The following SRSF10 variants were observed in gnomAD, a reference collection of about 807,000 sequenced individuals.
SRSF10 encodes serine/arginine-rich splicing factor 10.
A neutral mutation model predicts 32.6 loss-of-function variants in SRSF10; 9 were observed. The observed-to-expected ratio is 0.28, with a 90% CI of 0.17 to 0.48. The LOEUF is 0.48. Ranked by LOEUF, SRSF10 falls within the 20% of genes least tolerant of loss-of-function variation. SRSF10 has a pLI of 0.99. For synonymous variants in SRSF10, 105 were observed against 112.4 expected (o/e 0.93, Z 0.42); for missense variants, 201 against 331.8 (o/e 0.61, Z 3.06).
intron 3 of SRSF10, 139 bp downstream of exon 3, chr1:23,974,832 CAAA>C (rs113600652): frequency 4.7e-5 from 24 of 507,918 alleles, no homozygotes; most frequent in South Asian, 7.4e-5. Context: ...GACTCCGTCT[CAAA>C]AAAAAAAAAG....
Position 23,971,332 on chromosome 1 carries a change from G to A in SRSF10, c.599C>T (p.Ala200Val). 1 of 1,613,026 alleles carries A rather than the reference G, an allele frequency of 6.2e-7. No individual in the cohort carries two copies. Among genetic ancestry groups the A allele is most frequent in the Admixed American group, 1.7e-5 (1 of 60,014 alleles). The change falls in exon 6 of 6, where the codon GCA (alanine) becomes GTA (valine). Residue 200 changes from alanine to valine, a missense_variant. Transcript: ENST00000492112. ...GGTGCCTCTAGTTTTGGTGTGAGAT[G>A]CAGACCTAGAACGTGATTTAGCCTT... is the stretch of plus-strand genomic sequence containing the variant. ...EMKAKSRSRS[A>V]SHTKTRGTSK...
At chr1:23,976,312 C>T (rs1642086447) in intron 2 of SRSF10, 1 of 152,206 alleles carries the variant, frequency 6.6e-6, no homozygotes, top group South Asian at 2.1e-4. Flanking sequence ...CCTTACTAGA[C>T]TTCCCACTTT....
At chr1:23,972,068 C>A in intron 3 of SRSF10, 56 bp from the exon 4 acceptor site, 1 of 1,386,262 alleles carries the variant, frequency 7.2e-7, no homozygotes, top group South Asian at 1.8e-5. Flanking sequence ...TATTAAAGCC[C>A]TCAATAAATA....
chr1:23,979,057 G>GTTTTTTTTTTTTTTTTTTTTTT (rs71655401), intron 1 of SRSF10: 2 of 134,030 alleles, frequency 1.5e-5, no homozygotes, highest in Non-Finnish European at 3.1e-5. Context: ...TATAAGCCTT[G>GTTTTTTTTTTTTTTTTTTTTTT]TTTTTTTTTT....
At position 23,967,429 on chromosome 1, in the gene SRSF10, C is replaced by T. The variant is rs1313645832; in HGVS notation, c.*3713G>A. The T allele has an allele frequency of 2.2e-6, 1 of 449,508 alleles. No individual in the cohort carries two copies. Among genetic ancestry groups the T allele is most frequent in the Non-Finnish European group, 4.0e-6 (1 of 249,370 alleles). The allele number at this position is 449,508 out of a possible 1,614,324, so 27.8% of individuals were successfully genotyped here. ...CCTGTTACCCATGAATCAATATAAA[C>T]CTATTCATATTTAGGGATTAGTTTC... On this transcript the variant is annotated 3_prime_UTR_variant, in exon 6 of 6. Coordinates refer to ENST00000492112, the MANE Select transcript of SRSF10 (RefSeq NM_054016.4).
chr1:23,976,478 T>C (rs1038136534), intron 2 of SRSF10: 3 of 152,234 alleles, frequency 2.0e-5, no homozygotes, highest in African/African-American at 7.2e-5. Context: ...ATACTGTAAC[T>C]GAACATCCCT....
chr1:23,974,899 G>C (rs1187605053), intron 3 of SRSF10, 75 bp downstream of exon 3: 25 of 1,086,242 alleles, frequency 2.3e-5, no homozygotes, highest in Non-Finnish European at 3.3e-5. Context: ...AACACAAATT[G>C]CTTAAATTCT....
chr1:23,977,074 C>A (rs1329358676), intron 2 of SRSF10: 1 of 152,124 alleles, frequency 6.6e-6, no homozygotes, highest in Non-Finnish European at 1.5e-5. Flanking sequence ...ATTTACTAAG[C>A]CAGATATAGC....
intron 4 of SRSF10, 36 bp from the exon 5 acceptor site, chr1:23,971,662 C>G: frequency 6.3e-7 from 1 of 1,599,522 alleles, no homozygotes; most frequent in Non-Finnish European, 8.5e-7. Flanking sequence ...TGACAAATAT[C>G]TATTCATAGA....
chr1:23,976,060 G>A (rs1315047951), intron 2 of SRSF10: 1 of 152,200 alleles, frequency 6.6e-6, no homozygotes, highest in African/African-American at 2.4e-5. Flanking sequence ...CAGAGGCCAA[G>A]TACACATTCA....
At position 23,966,002 on chromosome 1, in the gene SRSF10, A is replaced by G. The variant is rs1262510699; in HGVS notation, c.*5140T>C. 6.6e-6 allele frequency: 1 copy of G among 151,920 alleles called. No homozygotes were observed. The highest frequency in any genetic ancestry group is 2.4e-5 in the African/African-American group (1 of 41,428). 9.4% of individuals were successfully genotyped at this position (151,920 alleles called of 1,614,324 possible). A position where few individuals can be genotyped will look rare whatever the true frequency, so the allele number is the denominator to read the frequency against. On this transcript the variant is annotated 3_prime_UTR_variant, in exon 6 of 6. Coordinates refer to ENST00000492112, the MANE Select transcript of SRSF10 (RefSeq NM_054016.4). ...ACAACAAAATACTTTTTGTAATTAA[A>G]TCTAGTCACTTTGACTCTAAGTAAA...
Position 23,965,842 on chromosome 1 carries a change from A to G in SRSF10, c.*5300T>C, listed in dbSNP as rs1384416511. 6.6e-6 allele frequency: 1 copy of G among 151,912 alleles called. No individual in the cohort carries two copies. The highest frequency in any genetic ancestry group is 1.5e-5 in the Non-Finnish European group (1 of 67,804). The allele number at this position is 151,912 out of a possible 1,614,324, so 9.4% of individuals were successfully genotyped here. The stretch of plus-strand genomic sequence containing the variant: ...AATATGCACCTTAATTCTCCCCCTT[A>G]AATGTCTTAACTTCAAAAGGAAATG... On this transcript the variant is annotated 3_prime_UTR_variant, in exon 6 of 6. Coordinates refer to ENST00000492112, the MANE Select transcript of SRSF10 (RefSeq NM_054016.4).
chr1:23,976,619 T>G (rs1642107975), intron 2 of SRSF10: 1 of 152,184 alleles, frequency 6.6e-6, no homozygotes, highest in Admixed American at 6.5e-5. Flanking sequence ...CTGTAAAAAT[T>G]ATTAATGAGA....
At chr1:23,972,259 G>T (rs1201489290) in intron 3 of SRSF10, among the ~76,000 whole-genome samples, 2 of 151,936 alleles carry the variant, frequency 1.3e-5, no homozygotes, top group Non-Finnish European at 2.9e-5. Context: ...AAAATAATTA[G>T]CTGGGCCTAG....
In SRSF10 at chr1:23,971,293, G is replaced by C; in HGVS notation, c.638C>G (p.Ser213Cys). ...TKTRGTSKTD[S>C]KTHYKSGSRY... ...TGAGCCAGACTTATAATGTGTTTTG[G>C]AATCTGTTTTAGAGGTGCCTCTAGT... Residue 213 changes from serine (S) to cysteine (C), a missense_variant, in exon 6 of 6, where the codon TCC becomes TGC. By Grantham distance (112) the Ser-to-Cys change is moderately radical. Around this residue, in one of 3 missense-constraint regions of SRSF10, gnomAD observed 159 missense variants for 196.7 expected, o/e 0.81. Coordinates refer to ENST00000492112, the MANE Select transcript of SRSF10 (RefSeq NM_054016.4). The C allele has an allele frequency of 6.2e-7, 1 of 1,613,670 alleles. No homozygotes were observed. The highest frequency in any genetic ancestry group is 1.7e-4 in the Middle Eastern group (1 of 5,900).
intron 2 of SRSF10, chr1:23,978,038 C>G (rs1176609962): frequency 1.0e-6 from 1 of 985,272 alleles, no homozygotes; most frequent in African/African-American, 1.7e-5. Context: ...TTATCTTTAA[C>G]TTTGAAAAAC....
In SRSF10 at chr1:23,968,068, C is replaced by T; in HGVS notation, c.*3074G>A. ...CATTCTATTTATCATTGAGCCCAGT[C>T]ATACACAGTAGGTAAACTCAGTAAG... is the stretch of plus-strand genomic sequence containing the variant. On this transcript the variant is annotated 3_prime_UTR_variant, in exon 6 of 6. Transcript: ENST00000492112. 6.7e-7 allele frequency: 1 copy of T among 1,502,114 alleles called. No individual in the cohort carries two copies. Among genetic ancestry groups the T allele is most frequent in the East Asian group, 2.5e-5 (1 of 40,722 alleles). 93.0% of individuals were successfully genotyped at this position (1,502,114 alleles called of 1,614,324 possible). A position where few individuals can be genotyped will look rare whatever the true frequency, so the allele number is the denominator to read the frequency against.
chr1:23,978,599 G>A, intron 2 of SRSF10, 114 bp downstream of exon 2: 1 of 1,317,782 alleles, frequency 7.6e-7, no homozygotes, highest in Non-Finnish European at 1.0e-6. Flanking sequence ...AAAATTTGAA[G>A]ACAGACATTT....
At position 23,970,728 on chromosome 1, in the gene SRSF10, T is replaced by C; in HGVS notation, c.*414A>G. ...AAATGTGTCTGAGCAGTCAGTGTTG[T>C]ACTGTGGCTACTACTTCACTTTTGT... is the stretch of plus-strand genomic sequence containing the variant. On this transcript the variant is annotated 3_prime_UTR_variant, in exon 6 of 6. Transcript: ENST00000492112. 3.0e-6 allele frequency: 3 copies of C among 1,007,080 alleles called. No homozygotes were observed. The highest frequency in any genetic ancestry group is 1.7e-5 in the African/African-American group (1 of 57,512). The allele number at this position is 1,007,080 out of a possible 1,614,324, so 62.4% of individuals were successfully genotyped here. A position where few individuals can be genotyped will look rare whatever the true frequency, so the allele number is the denominator to read the frequency against.
Sources: gnomAD v4.1 joint callset for allele counts (sites outside exome capture counted in the v4.1 genomes callset) on GRCh38, gnomAD v4.1.1 for gene constraint, gnomAD v4.1.1 regional missense constraint, MANE v1.5 for transcripts, NCBI Gene and HGNC (gene_info 2026-07-23, HGNC 2026-07-21) for gene names.